GRIK1: variants seen among roughly 807,000 people sequenced by gnomAD.
The protein encoded by GRIK1 is glutamate ionotropic receptor kainate type subunit 1.
Under a neutral mutation model 105.7 loss-of-function variants are expected in GRIK1, and 69 were observed. The ratio of observed to expected loss-of-function variants is 0.65; its 90% confidence interval spans 0.54 to 0.80. The LOEUF (loss-of-function observed/expected upper bound fraction) is 0.80, where lower values mean the gene tolerates loss of function less well. GRIK1 is among the 30% of genes least tolerant of loss of function. GRIK1 has a pLI of 0.00. For missense variants in GRIK1, 1,109 were observed against 1,167.3 expected (o/e 0.95, Z 0.73); for synonymous variants, 438 against 431.3 (o/e 1.02, Z -0.19).
chr21:29,861,633 CCTT>C (rs1569168285), intron 1 of GRIK1: 1 of 441,740 alleles, frequency 2.3e-6, no homozygotes, highest in Admixed American at 2.6e-5. Flanking sequence ...AAACTCATTC[CCTT>C]CTTTTCCTAA....
intron 1 of GRIK1, among the ~76,000 whole-genome samples, chr21:29,765,777 G>A (rs898962608): frequency 6.6e-6 from 1 of 152,100 alleles, no homozygotes; most frequent in Admixed American, 6.5e-5. Flanking sequence ...GTGAGAGCCA[G>A]GAGCAATGCT....
chr21:29,935,783 A>G (rs916804270), intron 1 of GRIK1, among the ~76,000 whole-genome samples: 1 of 143,804 alleles, frequency 7.0e-6, no homozygotes, highest in Non-Finnish European at 1.5e-5. Flanking sequence ...AGTGTATTTC[A>G]TCTTCCCTTG....
intron 7 of GRIK1, among the ~76,000 whole-genome samples, chr21:29,600,824 C>T (rs74814071): frequency 1.3e-5 from 2 of 152,198 alleles, no homozygotes; most frequent in African/African-American, 2.4e-5. Flanking sequence ...TACTATCTCA[C>T]GTTTAGCCTT....
chr21:29,703,533 C>G (rs2063851302), intron 1 of GRIK1, among the ~76,000 whole-genome samples: 1 of 152,200 alleles, frequency 6.6e-6, no homozygotes, highest in Non-Finnish European at 1.5e-5. Context: ...AATTCCAAGG[C>G]TACAGATTTA....
At chr21:29,829,490 G>A (rs2067566749) in intron 1 of GRIK1, among the ~76,000 whole-genome samples, 1 of 152,146 alleles carries the variant, frequency 6.6e-6, no homozygotes. Flanking sequence ...TGAGAACCAA[G>A]CAAGAGCTCA....
At chr21:29,888,948 G>GT (rs935118256) in intron 1 of GRIK1, among the ~76,000 whole-genome samples, 12 of 152,134 alleles carry the variant, frequency 7.9e-5, no homozygotes, top group Non-Finnish European at 1.6e-4. Context: ...ATTCCATCCT[G>GT]TTTTTTTGTA....
chr21:29,613,534 GTTAT>G (rs1299101512), intron 7 of GRIK1, among the ~76,000 whole-genome samples: 1 of 152,188 alleles, frequency 6.6e-6, no homozygotes, highest in African/African-American at 2.4e-5. Context: ...CTTCAAGCCA[GTTAT>G]TAAGCTTGGG....
chr21:29,555,707 GCTTAAGAA>G (rs1776268448), intron 15 of GRIK1, among the ~76,000 whole-genome samples: 2 of 152,238 alleles, frequency 1.3e-5, no homozygotes, highest in South Asian at 4.1e-4. Context: ...CCCAGAAAAA[GCTTAAGAA>G]CTTAGTTTGC....
intron 1 of GRIK1, among the ~76,000 whole-genome samples, chr21:29,774,685 T>TG (rs999358397): frequency 7.9e-5 from 12 of 152,130 alleles, no homozygotes; most frequent in African/African-American, 2.6e-4. Context: ...CTCCTGACCT[T>TG]GTGATCCACC....
chr21:29,725,381 A>G (rs889208374), intron 1 of GRIK1, among the ~76,000 whole-genome samples: 6 of 152,226 alleles, frequency 3.9e-5, no homozygotes, highest in African/African-American at 1.4e-4. Context: ...TCCTTGGCAA[A>G]AAGAATATAA....
At chr21:29,612,119 T>C (rs1380259810) in intron 7 of GRIK1, among the ~76,000 whole-genome samples, 1 of 152,228 alleles carries the variant, frequency 6.6e-6, no homozygotes, top group Non-Finnish European at 1.5e-5. Context: ...TGTGCAGTCC[T>C]CTTTGCAAGG....
At chr21:29,846,471 A>AAGAG (rs1190690232) in intron 1 of GRIK1, among the ~76,000 whole-genome samples, 8 of 49,348 alleles carry the variant, frequency 1.6e-4, no homozygotes, top group African/African-American at 3.1e-4. Context: ...GAGAGAAAGA[A>AAGAG]AGAAAGAAAG....
chr21:29,738,672 G>A (rs2064854907), intron 1 of GRIK1, among the ~76,000 whole-genome samples: 1 of 152,200 alleles, frequency 6.6e-6, no homozygotes. Context: ...CTATATTTCA[G>A]AGAATATGAA....
At chr21:29,628,503 C>T (rs372681324) in intron 7 of GRIK1, among the ~76,000 whole-genome samples, 3 of 152,140 alleles carry the variant, frequency 2.0e-5, no homozygotes, top group East Asian at 3.8e-4. Flanking sequence ...TATGTCTATG[C>T]CATGTACTCT....
chr21:29,711,708 ACT>A (rs2064054669), intron 1 of GRIK1, among the ~76,000 whole-genome samples: 1 of 151,772 alleles, frequency 6.6e-6, no homozygotes, highest in African/African-American at 2.4e-5. Context: ...GCTCTATGTA[ACT>A]CTGGCTTATT....
intron 1 of GRIK1, among the ~76,000 whole-genome samples, chr21:29,830,037 G>T (rs899183517): frequency 2.6e-5 from 4 of 152,074 alleles, no homozygotes; most frequent in Non-Finnish European, 5.9e-5. Context: ...CAAGGCCTAG[G>T]AAATATGAAT....
rs563346167 is a variant in GRIK1, at chr21:29,756,304, C to T, written c.119-62241G>A. Among the ~76,000 whole-genome samples, 212 of 152,150 alleles carry T rather than the reference C, an allele frequency of 1.4e-3. 1 individual carries two copies. The highest frequency in any genetic ancestry group is 5.1e-3 in the African/African-American group (210 of 41,530). The stretch of plus-strand genomic sequence containing the variant: ...GCTGAGGCAGGAGAATGGCGTGAAC[C>T]GGGGAGGCAGAGCTTGCAGTGAGCC... On this transcript the variant is annotated intron_variant, in intron 1 of 17. Coordinates refer to ENST00000327783, the MANE Select transcript of GRIK1 (RefSeq NM_001330994.2).
At chr21:29,596,064 C>A in intron 9 of GRIK1, 1 of 251,702 alleles carries the variant, frequency 4.0e-6, no homozygotes, top group Non-Finnish European at 7.8e-6. Context: ...GAAAATGGTT[C>A]ATATTTTGTG....
At chr21:29,733,854 T>C (rs2064701316) in intron 1 of GRIK1, among the ~76,000 whole-genome samples, 1 of 152,176 alleles carries the variant, frequency 6.6e-6, no homozygotes, top group African/African-American at 2.4e-5. Context: ...TAGCACATCA[T>C]TGTATGACAT....
Sources: gnomAD v4.1 joint callset for allele counts (sites outside exome capture counted in the v4.1 genomes callset) on GRCh38, gnomAD v4.1.1 for gene constraint, MANE v1.5 for transcripts, NCBI Gene and HGNC (gene_info 2026-07-23, HGNC 2026-07-21) for gene names.